The following SLC4A8 variants were observed in gnomAD, a reference collection of about 807,000 sequenced individuals.
The protein encoded by SLC4A8 is solute carrier family 4 member 8, also known as electroneutral sodium bicarbonate exchanger 1.
In SLC4A8, 40 loss-of-function variants were observed where a neutral mutation model predicts 125.0. The observed-to-expected ratio is 0.32, with a 90% CI of 0.25 to 0.42. The LOEUF (loss-of-function observed/expected upper bound fraction) is 0.42, where lower values mean the gene tolerates loss of function less well. SLC4A8 is among the 10% of genes least tolerant of loss of function. SLC4A8 has a pLI of 1.00. For synonymous variants in SLC4A8, 456 were observed against 476.0 expected (o/e 0.96, Z 0.55); for missense variants, 863 against 1,355.1 (o/e 0.64, Z 5.70).
intron 2 of SLC4A8, among the ~76,000 whole-genome samples, chr12:51,448,648 A>T (rs1197610896): frequency 6.6e-6 from 1 of 152,204 alleles, no homozygotes; most frequent in Non-Finnish European, 1.5e-5. Flanking sequence ...ACCGGAGCTC[A>T]GGGAGCCCAG....
chr12:51,397,044 C>T (rs781418599), intron 1 of SLC4A8, among the ~76,000 whole-genome samples: 18 of 150,198 alleles, frequency 1.2e-4, no homozygotes, highest in South Asian at 4.2e-4. Context: ...ATTCTCGTGC[C>T]TCAGCCTCCC....
intron 3 of SLC4A8, 55 bp from the exon 4 acceptor site, chr12:51,452,069 T>A (rs1949989810): frequency 1.9e-6 from 3 of 1,575,518 alleles, no homozygotes; most frequent in Non-Finnish European, 2.6e-6. Context: ...AAGAATGCTA[T>A]TTCTGTTCTA....
intron 1 of SLC4A8, among the ~76,000 whole-genome samples, chr12:51,403,454 G>T (rs1474141421): frequency 6.6e-6 from 1 of 152,236 alleles, no homozygotes; most frequent in African/African-American, 2.4e-5. Flanking sequence ...CCTGCTCAAA[G>T]TTCTTTCGTT....
At chr12:51,473,701 C>T (rs1950775157) in intron 14 of SLC4A8, among the ~76,000 whole-genome samples, 1 of 152,152 alleles carries the variant, frequency 6.6e-6, no homozygotes, top group South Asian at 2.1e-4. Context: ...GCCAATGGCA[C>T]AGGTGTGGTC....
intron 1 of SLC4A8, among the ~76,000 whole-genome samples, chr12:51,400,362 C>T (rs778483044): frequency 6.6e-6 from 1 of 151,900 alleles, no homozygotes; most frequent in African/African-American, 2.4e-5. Context: ...CCTTTAAATC[C>T]CCCACTGTGG....
intron 16 of SLC4A8, among the ~76,000 whole-genome samples, chr12:51,481,355 T>TC (rs1283747572): frequency 6.6e-6 from 1 of 152,108 alleles, no homozygotes; most frequent in East Asian, 1.9e-4. Context: ...CAAAAACAAA[T>TC]CTATTTAAAA....
Position 51,474,435 on chromosome 12 carries a change from CCTGA to C in SLC4A8, c.2002_2005del (p.Thr668SerfsTer44). 1 of 1,613,514 alleles carries C rather than the reference CCTGA, an allele frequency of 6.2e-7. No individual in the cohort carries two copies. Among genetic ancestry groups the C allele is most frequent in the Non-Finnish European group, 8.5e-7 (1 of 1,179,534 alleles). On this transcript the variant is annotated frameshift_variant, in exon 15 of 25. Transcript: ENST00000453097. LOFTEE classifies it high-confidence loss of function. ...TGACAGCAGAAGTCCACTGGGCTAA[CCTGA>C]CTGTCAGTGTAAGTCTGGGAGCTGC...
intron 16 of SLC4A8, among the ~76,000 whole-genome samples, chr12:51,478,575 G>C (rs1950926415): frequency 6.6e-6 from 1 of 152,120 alleles, no homozygotes; most frequent in African/African-American, 2.4e-5. Flanking sequence ...AAAGTAGAAT[G>C]ATAACATTCT....
chr12:51,441,185 G>C (rs1043725884), intron 2 of SLC4A8: 1 of 983,578 alleles, frequency 1.0e-6, no homozygotes, highest in Non-Finnish European at 1.2e-6. Context: ...ACTCATTTTG[G>C]CTACAAAACC....
chr12:51,447,464 A>G (rs1462705483), intron 2 of SLC4A8, among the ~76,000 whole-genome samples: 2 of 152,102 alleles, frequency 1.3e-5, no homozygotes, highest in Non-Finnish European at 2.9e-5. Flanking sequence ...AAGAAGGAAG[A>G]TGCATCTGCA....
chr12:51,452,187 A>G lies in SLC4A8; in HGVS notation c.341A>G (p.His114Arg). 2 of 1,614,126 alleles carry G rather than the reference A, an allele frequency of 1.2e-6. No individual in the cohort carries two copies. The highest frequency in any genetic ancestry group is 1.7e-6 in the Non-Finnish European group (2 of 1,179,946). ...GTEEDEEHVP[H>R]ELFTELDEIC... ...GAGGAAGATGAAGAGCATGTGCCTC[A>G]TGAGCTGTTTACAGAGCTGGATGAG... The change falls in exon 4 of 25, where the codon CAT (histidine) becomes CGT (arginine). Residue 114 changes from histidine to arginine, a missense_variant. Around this residue, in one of 6 missense-constraint regions of SLC4A8, gnomAD observed 390 missense variants for 634.4 expected, o/e 0.61. Transcript: ENST00000453097.
At chr12:51,445,152 G>A (rs958628483) in intron 2 of SLC4A8, among the ~76,000 whole-genome samples, 9 of 152,092 alleles carry the variant, frequency 5.9e-5, no homozygotes, top group African/African-American at 2.2e-4. Flanking sequence ...AGAGGCCAAA[G>A]TGGTTGTTTA....
intron 19 of SLC4A8, 54 bp from the exon 20 acceptor site, chr12:51,493,650 G>A (rs1256481467): frequency 4.5e-6 from 5 of 1,105,726 alleles, no homozygotes; most frequent in Middle Eastern, 2.0e-4. Context: ...ATAGTTTTGA[G>A]TGTGCTATGA....
chr12:51,424,059 A>AAAG (rs1948873271), upstream of SLC4A8, among the ~76,000 whole-genome samples: 1 of 66,096 alleles, frequency 1.5e-5, no homozygotes, highest in Non-Finnish European at 3.3e-5. Flanking sequence ...AAAAACAAAA[A>AAAG]AAACAACAAA....
At chr12:51,424,762 C>T, upstream of SLC4A8, 1 of 499,828 alleles carries the variant, frequency 2.0e-6, no homozygotes. Flanking sequence ...CGCCGGACAG[C>T]GTCCTCCCGT....
rs1018463245 is a variant in SLC4A8, at chr12:51,474,363, G to T, written c.1926G>T (p.Glu642Asp). Residue 642 changes from glutamate to aspartate, a missense_variant, in exon 15 of 25, where the codon GAG becomes GAT. This residue lies in a region of SLC4A8 where 76 missense variants were observed against 80.2 expected (regional missense o/e 0.95). Coordinates refer to ENST00000453097, the MANE Select transcript of SLC4A8 (RefSeq NM_001039960.3). ...TCAGCTGCAGGTGTACTCTGCCAGA[G>T]AATCCAAACAATCACACCCTCCAGT... The part of the protein sequence containing the change: ...SLYYCRCTLP[E>D]NPNNHTLQYW... The T allele has an allele frequency of 6.3e-7, 1 of 1,595,880 alleles. No individual in the cohort carries two copies. The highest frequency in any genetic ancestry group is 8.6e-7 in the Non-Finnish European group (1 of 1,165,170).
At chr12:51,401,281 T>A (rs1320880081) in intron 1 of SLC4A8, among the ~76,000 whole-genome samples, 1 of 152,156 alleles carries the variant, frequency 6.6e-6, no homozygotes, top group Non-Finnish European at 1.5e-5. Flanking sequence ...GTTTTCTGTA[T>A]CCCGGGTTCT....
chr12:51,443,334 A>G (rs904797330), intron 2 of SLC4A8, among the ~76,000 whole-genome samples: 2 of 152,176 alleles, frequency 1.3e-5, no homozygotes, highest in South Asian at 2.1e-4. Flanking sequence ...GTCTGTGTAC[A>G]TTGTTAGAAA....
chr12:51,424,963 G>A lies in SLC4A8; in HGVS notation c.-25G>A. 1.3e-6 allele frequency: 2 copies of A among 1,550,806 alleles called. No individual in the cohort carries two copies. Among genetic ancestry groups the A allele is most frequent in the Non-Finnish European group, 8.7e-7 (1 of 1,147,120 alleles). ...TGCTGATGCTTGGCTTGGAGCCCGT[G>A]GGGGAGACCTAGTTCGGCTCCGCCA... On this transcript the variant is annotated 5_prime_UTR_variant, in exon 1 of 25. Coordinates refer to ENST00000453097, the MANE Select transcript of SLC4A8 (RefSeq NM_001039960.3).
Sources: allele counts gnomAD v4.1 joint callset (sites outside exome capture counted in the v4.1 genomes callset), GRCh38; gene constraint gnomAD v4.1.1; regional missense constraint gnomAD v4.1.1; transcripts MANE v1.5; gene names NCBI Gene and HGNC (gene_info 2026-07-23, HGNC 2026-07-21).